The following LY75 variants were observed in gnomAD, a reference collection of about 807,000 sequenced individuals.
LY75 encodes the protein lymphocyte antigen 75, also known as C-type lectin domain family 13 member B.
In LY75, 185 loss-of-function variants were observed where a neutral mutation model predicts 231.7. That is an observed-to-expected ratio of 0.80 (90% confidence interval 0.71 to 0.90). The LOEUF is 0.90. Ranked by LOEUF, LY75 falls within the 40% of genes least tolerant of loss-of-function variation. The pLI is 0.00. For synonymous variants in LY75, 668 were observed against 689.0 expected (o/e 0.97, Z 0.48); for missense variants, 1,947 against 2,050.2 (o/e 0.95, Z 0.97).
At chr2:159,816,457 C>A (rs1683121759) in intron 30 of LY75, among the ~76,000 whole-genome samples, 1 of 152,186 alleles carries the variant, frequency 6.6e-6, no homozygotes, top group Non-Finnish European at 1.5e-5. Context: ...GATCACCCAG[C>A]ACATAAATGG....
chr2:159,872,366 A>C, intron 13 of LY75, 85 bp downstream of exon 13: 2 of 1,516,680 alleles, frequency 1.3e-6, no homozygotes, highest in Non-Finnish European at 1.8e-6. Context: ...TTTTTCCAAC[A>C]GAGAGTGAGG....
intron 2 of LY75, among the ~76,000 whole-genome samples, chr2:159,895,297 G>A (rs1685880098): frequency 6.6e-6 from 1 of 152,158 alleles, no homozygotes; most frequent in African/African-American, 2.4e-5. Context: ...GTTTTCAAAA[G>A]CGTACTTCTG....
At position 159,890,258 on chromosome 2, in the gene LY75, C is replaced by G. The variant is rs2125881969; in HGVS notation, c.757G>C (p.Asp253His). Residue 253 changes from aspartate (D) to histidine (H), a missense_variant, in exon 4 of 35, where the codon GAT becomes CAT. Asp to His is a moderately conservative substitution (Grantham distance 81). Coordinates refer to ENST00000263636, the MANE Select transcript of LY75 (RefSeq NM_002349.4). ...GCAGCACTGTTGATGCTCAGTAAAT[C>G]AGCTCCTTGATTCTGACATGAAACA... ...AYVSCQNQGADLLSINSAAEL... is the reference protein window; with the variant it reads ...AYVSCQNQGAHLLSINSAAEL... 3 of 1,613,448 alleles carry G rather than the reference C, an allele frequency of 1.9e-6. No homozygotes were observed. The highest frequency in any genetic ancestry group is 3.3e-4 in the Middle Eastern group (2 of 6,052).
At chr2:159,851,584 G>A (rs1012787395) in intron 21 of LY75, among the ~76,000 whole-genome samples, 1 of 152,164 alleles carries the variant, frequency 6.6e-6, no homozygotes, top group African/African-American at 2.4e-5. Context: ...TAATGTGACA[G>A]AATAAATCTT....
chr2:159,820,964 G>A (rs575976926), intron 28 of LY75, among the ~76,000 whole-genome samples: 9 of 152,180 alleles, frequency 5.9e-5, no homozygotes, highest in Admixed American at 2.0e-4. Context: ...TCAGCCTCCC[G>A]AGTAGCAGGG....
intron 15 of LY75, among the ~76,000 whole-genome samples, chr2:159,860,148 A>C (rs1684662491): frequency 6.6e-6 from 1 of 152,196 alleles, no homozygotes; most frequent in Non-Finnish European, 1.5e-5. Flanking sequence ...TGCATTCTGC[A>C]AAGGAAGATG....
At chr2:159,890,107 G>A (rs942560820) in intron 4 of LY75, 106 bp downstream of exon 4, 78 of 1,421,956 alleles carry the variant, frequency 5.5e-5, no homozygotes, top group Non-Finnish European at 7.2e-5. Flanking sequence ...CCCAAGAGAG[G>A]TCAGAAAAGT....
intron 25 of LY75, among the ~76,000 whole-genome samples, chr2:159,837,789 T>C (rs1393104780): frequency 6.6e-6 from 1 of 152,170 alleles, no homozygotes; most frequent in East Asian, 1.9e-4. Flanking sequence ...CTTTCAGGAT[T>C]ATTCCCCTTG....
chr2:159,891,642 G>A (rs13403075), intron 3 of LY75, among the ~76,000 whole-genome samples: 4,321 of 152,176 alleles, frequency 0.028, 168 homozygotes, highest in African/African-American at 0.093. Flanking sequence ...CACCCCCAAA[G>A]CCCCAGCACA....
chr2:159,844,939 G>A (rs924446657), intron 23 of LY75, among the ~76,000 whole-genome samples: 1 of 151,946 alleles, frequency 6.6e-6, no homozygotes, highest in East Asian at 1.9e-4. Flanking sequence ...CCTCTCCCCT[G>A]TGCTCAGTGT....
chr2:159,815,381 C>T, intron 31 of LY75, 24 bp downstream of exon 31: 1 of 1,571,338 alleles, frequency 6.4e-7, no homozygotes, highest in Non-Finnish European at 8.6e-7. Context: ...CATAAATGTA[C>T]TGTTACTGAA....
chr2:159,814,659 A>G lies in LY75; in HGVS notation c.4549+746T>C, dbSNP rs77070196. Among the ~76,000 whole-genome samples the G allele has an allele frequency of 0.02, 2,981 of 151,050 alleles. 170 individuals carry two copies. In the East Asian group the frequency reaches 0.21, roughly 11 times the overall value. Reference sequence around the variant, plus strand: ...AACAGAGCTGAAACCCTGTCAAAAAAAAAAAAAGAAAAAGAAAAGATAAGA... The same window carrying G: ...AACAGAGCTGAAACCCTGTCAAAAAGAAAAAAAGAAAAAGAAAAGATAAGA... On this transcript the variant is annotated intron_variant, in intron 31 of 34. Coordinates refer to ENST00000263636, the MANE Select transcript of LY75 (RefSeq NM_002349.4).
In LY75 at chr2:159,853,636, A is replaced by T; in HGVS notation, c.2657T>A (p.Phe886Tyr). The change falls in exon 19 of 35, where the codon TTT (phenylalanine) becomes TAT (tyrosine). Residue 886 changes from phenylalanine (F) to tyrosine (Y), a missense_variant. Phe to Tyr is a conservative substitution (Grantham distance 22). Transcript: ENST00000263636. Reference protein sequence around the residue: ...RISEWPIDDHFTYSRYPWHRF... With the variant: ...RISEWPIDDHYTYSRYPWHRF... ...AATCAATGATGTCACCTACTATGTA[A>T]AATGATCATCTATTGGCCACTCGCT... 6.2e-7 allele frequency: 1 copy of T among 1,613,512 alleles called. No individual in the cohort carries two copies. Among genetic ancestry groups the T allele is most frequent in the African/African-American group, 1.3e-5 (1 of 75,028 alleles).
Position 159,835,601 on chromosome 2 carries a change from A to G in LY75, c.3552T>C (p.Phe1184=), listed in dbSNP as rs568614305. The G allele has an allele frequency of 3.1e-6, 5 of 1,613,694 alleles. No homozygotes were observed. In the African/African-American group the frequency reaches 4.0e-5, roughly 13 times the overall value. The change falls in exon 26 of 35, where the codon TTT becomes TTC. Residue 1184 remains phenylalanine, a synonymous_variant. Transcript: ENST00000263636. ...FGWSDGKRLH[F]SRWAETNGQL... is the part of the protein sequence containing the mutation. ...GCCCATTAGTTTCAGCCCAGCGACT[A>G]AAATGAAGACGTTTCCCATCTGACC...
At chr2:159,870,690 TA>T (rs971960095) in intron 13 of LY75, among the ~76,000 whole-genome samples, 6 of 136,896 alleles carry the variant, frequency 4.4e-5, no homozygotes, top group Admixed American at 7.7e-5. Context: ...TTTTTTTTTT[TA>T]AATAGAGATA....
At chr2:159,854,580 C>A (rs1446002600) in intron 17 of LY75, 45 bp from the exon 18 acceptor site, 5 of 1,578,946 alleles carry the variant, frequency 3.2e-6, no homozygotes, top group Non-Finnish European at 4.3e-6. Flanking sequence ...CTATGCAAAG[C>A]AAACTGTGTC....
chr2:159,823,730 A>G (rs578226489), intron 28 of LY75, among the ~76,000 whole-genome samples: 1 of 152,238 alleles, frequency 6.6e-6, no homozygotes. Flanking sequence ...AGGGAAGCCC[A>G]TCAGACTAAT....
chr2:159,820,524 C>T lies in LY75; in HGVS notation c.3959-604G>A, dbSNP rs547558137. On this transcript the variant is annotated intron_variant, in intron 28 of 34. Coordinates refer to ENST00000263636, the MANE Select transcript of LY75 (RefSeq NM_002349.4). ...AAAATGATACAATAGACTCTGGGAA[C>T]TCGGGGGGAAGAGTGGGAGGGGATG... Among the ~76,000 whole-genome samples the T allele has an allele frequency of 4.6e-5, 7 of 152,126 alleles. No individual in the cohort carries two copies. The South Asian group carries it at 1.5e-3, about 32-fold the overall frequency.
chr2:159,882,356 T>A (rs776580043), intron 6 of LY75, 41 bp from the exon 7 acceptor site: 3 of 1,585,398 alleles, frequency 1.9e-6, no homozygotes, highest in Non-Finnish European at 2.6e-6. Context: ...TAAAGATACA[T>A]CTATTGTGAA....
Sources: gnomAD v4.1 joint callset for allele counts (sites outside exome capture counted in the v4.1 genomes callset) on GRCh38, gnomAD v4.1.1 for gene constraint, MANE v1.5 for transcripts, NCBI Gene and HGNC (gene_info 2026-07-23, HGNC 2026-07-21) for gene names.